ATAD2: variants seen among roughly 807,000 people sequenced by gnomAD.
The protein encoded by ATAD2 is ATPase family AAA domain containing 2, also known as ATPase family AAA domain-containing protein 2.
A neutral mutation model predicts 168.9 loss-of-function variants in ATAD2; 62 were observed. The observed-to-expected ratio is 0.37, with a 90% CI of 0.30 to 0.45. The LOEUF (loss-of-function observed/expected upper bound fraction) is 0.45, where lower values mean the gene tolerates loss of function less well. ATAD2 is among the 20% of genes least tolerant of loss of function. The pLI is 1.00. For synonymous variants in ATAD2, 613 were observed against 571.6 expected, an observed-to-expected ratio of 1.07 and a Z score of -1.03; for missense variants, 1,419 against 1,667.8, an observed-to-expected ratio of 0.85 and a Z score of 2.60.
chr8:123,378,036 T>C (rs1829373009), intron 2 of ATAD2, among the ~76,000 whole-genome samples: 1 of 152,202 alleles, frequency 6.6e-6, no homozygotes, highest in South Asian at 2.1e-4. Flanking sequence ...GACCACTACC[T>C]TACCTCAGAA....
At chr8:123,384,664 A>G (rs990902115) in intron 1 of ATAD2, among the ~76,000 whole-genome samples, 1 of 152,250 alleles carries the variant, frequency 6.6e-6, no homozygotes, top group African/African-American at 2.4e-5. Flanking sequence ...CTTTAGCAAT[A>G]ACTATGATAC....
intron 1 of ATAD2, among the ~76,000 whole-genome samples, chr8:123,415,890 G>T (rs1813261577): frequency 6.6e-6 from 1 of 152,174 alleles, no homozygotes; most frequent in African/African-American, 2.4e-5. Flanking sequence ...ACCGCACCCG[G>T]CCCTAAACAC....
intron 1 of ATAD2, among the ~76,000 whole-genome samples, chr8:123,403,509 T>G (rs979997974): frequency 6.6e-6 from 1 of 151,906 alleles, no homozygotes; most frequent in African/African-American, 2.4e-5. Flanking sequence ...CAATCACAGC[T>G]TGCTACAACC....
chr8:123,360,642 C>A (rs897798905), intron 9 of ATAD2, among the ~76,000 whole-genome samples: 2 of 151,828 alleles, frequency 1.3e-5, no homozygotes, highest in Non-Finnish European at 2.9e-5. Flanking sequence ...AGCTGAGTCA[C>A]TTGAGGTCAG....
intron 1 of ATAD2, among the ~76,000 whole-genome samples, chr8:123,389,978 ATATATATTT>A (rs1351495913): frequency 8.6e-5 from 10 of 116,242 alleles, no homozygotes; most frequent in African/African-American, 3.9e-4. Context: ...ATATATATAT[ATATATATTT>A]TTTTTTTTTT....
At chr8:123,348,364 T>C in intron 14 of ATAD2, 91 bp from the exon 15 acceptor site, 2 of 1,074,152 alleles carry the variant, frequency 1.9e-6, no homozygotes, top group Admixed American at 6.1e-5. Context: ...TTTGATTATC[T>C]AAAATTTTAA....
intron 13 of ATAD2, chr8:123,352,591 A>G (rs1165581845): frequency 1.3e-5 from 2 of 152,254 alleles, no homozygotes; most frequent in African/African-American, 4.8e-5. Flanking sequence ...TAGAACTCCA[A>G]GTTCTGAATA....
Position 123,320,014 on chromosome 8 carries a change from G to A in ATAD2, c.*1120C>T, listed in dbSNP as rs139263017. The A allele has an allele frequency of 9.2e-5, 14 of 152,170 alleles. No homozygotes were observed. In the South Asian group the frequency reaches 1.0e-3, roughly 11 times the overall value. 9.4% of individuals were successfully genotyped at this position (152,170 alleles called of 1,614,324 possible). A position where few individuals can be genotyped will look rare whatever the true frequency, so the allele number is the denominator to read the frequency against. ...TATATTTAAATGTTCTCAGTGACTG[G>A]CATTGCTTTATGCATTACATAAGAT... On this transcript the variant is annotated 3_prime_UTR_variant, in exon 28 of 28. Coordinates refer to ENST00000287394, the MANE Select transcript of ATAD2 (RefSeq NM_014109.4).
Position 123,323,004 on chromosome 8 carries a change from C to G in ATAD2, c.4065G>C (p.Leu1355Phe), listed in dbSNP as rs142873927. The G allele has an allele frequency of 5.0e-6, 8 of 1,612,972 alleles. No homozygotes were observed. The highest frequency in any genetic ancestry group is 1.1e-5 in the South Asian group (1 of 91,004). The change falls in exon 27 of 28, where the codon TTG becomes TTC. Residue 1355 changes from leucine (L) to phenylalanine (F), a missense_variant. Physicochemically the swap from Leu to Phe is conservative, Grantham distance 22 (BLOSUM62 0). Transcript: ENST00000287394. Reference sequence around the variant, plus strand: ...AAATACATTGGCTGATTACTGCATACAAATTTTCCAACTGAAATATGTTGT... The same window carrying G: ...AAATACATTGGCTGATTACTGCATAGAAATTTTCCAACTGAAATATGTTGT... ...QNYNIFQLEN[L>F]YAVISQCIYR...
intron 1 of ATAD2, among the ~76,000 whole-genome samples, chr8:123,384,253 C>CA (rs889550566): frequency 9.9e-5 from 15 of 151,046 alleles, no homozygotes; most frequent in African/African-American, 2.7e-4. Context: ...TGATGTATAA[C>CA]AAAAAAAAAC....
At chr8:123,370,247 A>G (rs1045339815) in intron 6 of ATAD2, among the ~76,000 whole-genome samples, 2 of 152,080 alleles carry the variant, frequency 1.3e-5, no homozygotes, top group African/African-American at 2.4e-5. Context: ...AACACAAGGA[A>G]GGAAAAAAGG....
At chr8:123,403,380 G>T (rs940050210) in intron 1 of ATAD2, among the ~76,000 whole-genome samples, 1 of 151,220 alleles carries the variant, frequency 6.6e-6, no homozygotes, top group African/African-American at 2.4e-5. Context: ...GATTACAGGC[G>T]TGAGCCACTG....
At chr8:123,391,282 A>G (rs1829818415) in intron 1 of ATAD2, among the ~76,000 whole-genome samples, 1 of 151,990 alleles carries the variant, frequency 6.6e-6, no homozygotes, top group African/African-American at 2.4e-5. Flanking sequence ...AAAAACAACA[A>G]AAAACAAACT....
intron 1 of ATAD2, chr8:123,401,967 G>T (rs1256335495): frequency 2.1e-6 from 2 of 956,170 alleles, no homozygotes; most frequent in Non-Finnish European, 3.4e-6. Flanking sequence ...CAGCATGGCT[G>T]CCAGGATATC....
intron 18 of ATAD2, 125 bp from the exon 19 acceptor site, chr8:123,345,194 C>T (rs1162940950): frequency 1.3e-6 from 1 of 765,774 alleles, no homozygotes; most frequent in Non-Finnish European, 1.9e-6. Flanking sequence ...TTTTAAAATG[C>T]TTCTCCAAAA....
chr8:123,373,233 G>T (rs940166074), intron 2 of ATAD2, among the ~76,000 whole-genome samples: 5 of 151,124 alleles, frequency 3.3e-5, no homozygotes, highest in African/African-American at 1.2e-4. Context: ...GGCGGGGGGG[G>T]TCTCGCTTTT....
chr8:123,386,052 G>C (rs545039171), intron 1 of ATAD2, among the ~76,000 whole-genome samples: 7 of 150,458 alleles, frequency 4.7e-5, no homozygotes, highest in African/African-American at 1.7e-4. Context: ...AATAGCAATT[G>C]TTGGTGAGGA....
chr8:123,374,112 C>T (rs1204263956), intron 2 of ATAD2, among the ~76,000 whole-genome samples: 1 of 152,102 alleles, frequency 6.6e-6, no homozygotes, highest in Admixed American at 6.6e-5. Flanking sequence ...TGCCTGTAAT[C>T]CCAGCACTTT....
rs1446546492 is a variant in ATAD2 at position 123,326,019 on chromosome 8, A to G, written c.3876T>C (p.Cys1292=). ...ISDENEGKEM[C]VLRMTRARRS... is the part of the protein sequence containing the mutation. ...GTCTAGCTCGAGTCATTCGCAGAAC[A>G]CACATTTCTAGAATGAAAAATCAAA... is the stretch of plus-strand genomic sequence containing the variant. Residue 1292 remains cysteine (C), a synonymous_variant, in exon 26 of 28, where the codon TGT becomes TGC. Transcript: ENST00000287394. The G allele has an allele frequency of 6.2e-7, 1 of 1,613,698 alleles. No individual in the cohort carries two copies. Among genetic ancestry groups the G allele is most frequent in the South Asian group, 1.1e-5 (1 of 90,972 alleles).
Sources: allele counts gnomAD v4.1 joint callset (sites outside exome capture counted in the v4.1 genomes callset), GRCh38; gene constraint gnomAD v4.1.1; transcripts MANE v1.5; gene names NCBI Gene and HGNC (gene_info 2026-07-23, HGNC 2026-07-21).